Variants in CAMKK2 observed in about 807,000 individuals in gnomAD.
CAMKK2 encodes calcium/calmodulin dependent protein kinase kinase 2.
In CAMKK2, 30 loss-of-function variants were observed where a neutral mutation model predicts 67.2. The ratio of observed to expected loss-of-function variants is 0.45; its 90% CI spans 0.33 to 0.61. The LOEUF is 0.61. Among genes scored for constraint, CAMKK2 ranks in the 20% least tolerant of loss-of-function variants. The pLI is 0.02. For synonymous variants in CAMKK2, 322 were observed against 326.2 expected (o/e 0.99, Z 0.14); for missense variants, 643 against 802.0 (o/e 0.80, Z 2.39).
chr12:121,294,675 G>C (rs1900779333), intron 1 of CAMKK2, among the ~76,000 whole-genome samples: 1 of 152,174 alleles, frequency 6.6e-6, no homozygotes, highest in Non-Finnish European at 1.5e-5. Flanking sequence ...ACTTCTCTGA[G>C]CCCTTCTATA....
chr12:121,265,560 A>G (rs537483085), intron 5 of CAMKK2, among the ~76,000 whole-genome samples: 1 of 152,238 alleles, frequency 6.6e-6, no homozygotes, highest in African/African-American at 2.4e-5. Context: ...CATGAATGAG[A>G]TTAGTGCTGT....
At chr12:121,250,255 G>A (rs1890404188) in intron 11 of CAMKK2, among the ~76,000 whole-genome samples, 1 of 152,084 alleles carries the variant, frequency 6.6e-6, no homozygotes, top group South Asian at 2.1e-4. Flanking sequence ...CCTCTCGAAG[G>A]GCTAGAGCCT....
chr12:121,253,548 T>C lies in CAMKK2; in HGVS notation c.908-76A>G. On this transcript the variant is annotated intron_variant, in intron 9 of 16. Coordinates refer to ENST00000404169, the MANE Select transcript of CAMKK2 (RefSeq NM_001270485.2). The surrounding 1 kb of genome is among the most constrained non-coding windows in gnomAD (Gnocchi z 5.0). ...AGCACCTCTATGCGGCCACATGGCCTGGAGACACAGGCATGGCACCCCTCT... is the reference window on the plus strand; with the variant it reads ...AGCACCTCTATGCGGCCACATGGCCCGGAGACACAGGCATGGCACCCCTCT... 7.9e-7 allele frequency: 1 copy of C among 1,262,982 alleles called. No individual in the cohort carries two copies. The highest frequency in any genetic ancestry group is 1.2e-6 in the Non-Finnish European group (1 of 865,212). The allele number at this position is 1,262,982 out of a possible 1,614,324, so 78.2% of individuals were successfully genotyped here.
At position 121,274,182 on chromosome 12, in the gene CAMKK2, C is replaced by T; in HGVS notation, c.345G>A (p.Leu115=). Residue 115 remains leucine (L), a synonymous_variant, in exon 2 of 17, where the codon CTG becomes CTA. Coordinates refer to ENST00000404169, the MANE Select transcript of CAMKK2 (RefSeq NM_001270485.2). ...GGCAGATGCAGCGTCCGTTCATGTCCAGGCTGCCACCGGCTGCCAGCCCAC... is the reference window on the plus strand; with the variant it reads ...GGCAGATGCAGCGTCCGTTCATGTCTAGGCTGCCACCGGCTGCCAGCCCAC... ...SQGGLAAGGS[L]DMNGRCICPS... 1 of 1,601,074 alleles carries T rather than the reference C, an allele frequency of 6.2e-7. No homozygotes were observed.
intron 1 of CAMKK2, among the ~76,000 whole-genome samples, chr12:121,281,035 T>G (rs1221973285): frequency 6.6e-6 from 1 of 152,228 alleles, no homozygotes; most frequent in Non-Finnish European, 1.5e-5. Context: ...AACTTGCTGG[T>G]TTTTGTGGCT....
intron 4 of CAMKK2, 97 bp downstream of exon 4, chr12:121,269,431 G>A (rs1895285562): frequency 1.1e-6 from 1 of 929,134 alleles, no homozygotes; most frequent in Non-Finnish European, 1.7e-6. Context: ...AATAAAATGA[G>A]ACAACAGCTA....
chr12:121,274,464 C>G lies in CAMKK2; in HGVS notation c.63G>C (p.Gly21=). The change falls in exon 2 of 17, where the codon GGG becomes GGC. Residue 21 remains glycine (G), a synonymous_variant. Coordinates refer to ENST00000404169, the MANE Select transcript of CAMKK2 (RefSeq NM_001270485.2). ...TTTCGCTGCTGCTGCTGCCCCTGCCCCCCAGCTCATCCTGGGGGGCGGCCC... is the reference window on the plus strand; with the variant it reads ...TTTCGCTGCTGCTGCTGCCCCTGCCGCCCAGCTCATCCTGGGGGGCGGCCC... ...SNRAAPQDEL[G]GRGSSSSESQ... 1 of 1,612,984 alleles carries G rather than the reference C, an allele frequency of 6.2e-7. No individual in the cohort carries two copies. The highest frequency in any genetic ancestry group is 8.5e-7 in the Non-Finnish European group (1 of 1,179,948).
chr12:121,277,458 A>G (rs1234021014), intron 1 of CAMKK2, among the ~76,000 whole-genome samples: 6 of 152,222 alleles, frequency 3.9e-5, no homozygotes, highest in South Asian at 2.1e-4. Context: ...ATCATTCACA[A>G]TAGCCAAAAG....
intron 7 of CAMKK2, 73 bp downstream of exon 7, chr12:121,260,246 C>T: frequency 7.5e-7 from 1 of 1,338,550 alleles, no homozygotes; most frequent in Non-Finnish European, 1.0e-6. Context: ...GCACAGGCTG[C>T]CTCGAGAGGA....
In CAMKK2 at chr12:121,249,822, T is replaced by A. The variant is rs756258369; in HGVS notation, c.1288A>T (p.Asn430Tyr). 1 of 1,614,134 alleles carries A rather than the reference T, an allele frequency of 6.2e-7. No homozygotes were observed. Among genetic ancestry groups the A allele is most frequent in the Non-Finnish European group, 8.5e-7 (1 of 1,180,018 alleles). ...KDLITRMLDK[N>Y]PESRIVVPEI... Reference sequence around the variant, plus strand: ...GGCACCACGATCCTCGACTCGGGGTTCTTGTCCAGCATACGGGTGATCAGG... The same window carrying A: ...GGCACCACGATCCTCGACTCGGGGTACTTGTCCAGCATACGGGTGATCAGG... The change falls in exon 13 of 17, where the codon AAC becomes TAC. Residue 430 changes from asparagine (N) to tyrosine (Y), a missense_variant. Coordinates refer to ENST00000404169, the MANE Select transcript of CAMKK2 (RefSeq NM_001270485.2).
At chr12:121,267,311 A>G (rs1233993118) in intron 5 of CAMKK2, among the ~76,000 whole-genome samples, 1 of 150,158 alleles carries the variant, frequency 6.7e-6, no homozygotes, top group Non-Finnish European at 1.5e-5. Flanking sequence ...GCAGGGTTTC[A>G]CCATATTGGC....
chr12:121,243,885 GA>G (rs1888869312), intron 16 of CAMKK2: 1 of 1,378,254 alleles, frequency 7.3e-7, no homozygotes, highest in East Asian at 2.8e-5. Flanking sequence ...AGGTAGCCAT[GA>G]TGTGCTCAGT....
At chr12:121,287,583 A>G (rs1483139066) in intron 1 of CAMKK2, among the ~76,000 whole-genome samples, 1 of 152,198 alleles carries the variant, frequency 6.6e-6, no homozygotes, top group Non-Finnish European at 1.5e-5. Context: ...TGCCAGGGCC[A>G]ACTGTCTTAA....
At chr12:121,266,499 G>GT (rs144456553) in intron 5 of CAMKK2, among the ~76,000 whole-genome samples, 67,605 of 142,706 alleles carry the variant, frequency 0.47, 17,247 homozygotes, top group African/African-American at 0.69. Flanking sequence ...GTTAGGATGG[G>GT]TTTTTTTTTT....
chr12:121,287,072 T>C (rs1339978818), intron 1 of CAMKK2, among the ~76,000 whole-genome samples: 1 of 152,044 alleles, frequency 6.6e-6, no homozygotes, highest in African/African-American at 2.4e-5. Context: ...ACTTGGCTAA[T>C]TTTTTGTATT....
At chr12:121,252,630 T>C in intron 11 of CAMKK2, 31 bp downstream of exon 11, 13 of 1,608,322 alleles carry the variant, frequency 8.1e-6, no homozygotes, top group Non-Finnish European at 1.1e-5. Flanking sequence ...CACCCAGCAG[T>C]ACTGAGGGGA....
chr12:121,261,614 A>G (rs1893471082), intron 6 of CAMKK2, among the ~76,000 whole-genome samples: 2 of 152,220 alleles, frequency 1.3e-5, no homozygotes, highest in Admixed American at 1.3e-4. Flanking sequence ...CCTGTGGGGA[A>G]GGCACACCCA....
chr12:121,260,398 GGA>G, intron 6 of CAMKK2, 43 bp from the exon 7 acceptor site: 3 of 1,590,704 alleles, frequency 1.9e-6, no homozygotes, highest in Non-Finnish European at 2.6e-6. Context: ...GGATGGCGGG[GGA>G]GAAAAAGAGA....
In CAMKK2 at chr12:121,269,518, G is replaced by A. The variant is rs1109453; in HGVS notation, c.573+10C>T. ...AGGATGGGGGCAGGGAGGAGAATGC[G>A]GATACTCACATAGTAGGTATTGTCA... is the stretch of plus-strand genomic sequence containing the variant. On this transcript the variant is annotated intron_variant, in intron 4 of 16. Coordinates refer to ENST00000404169, the MANE Select transcript of CAMKK2 (RefSeq NM_001270485.2). 509,076 of 1,586,452 alleles carry A rather than the reference G, an allele frequency of 0.32. 86,228 individuals are homozygous for A. The highest frequency in any genetic ancestry group is 0.44 in the African/African-American group (32,568 of 74,482).
Sources: gnomAD v4.1 joint callset for allele counts (sites outside exome capture counted in the v4.1 genomes callset) on GRCh38, gnomAD v4.1.1 for gene constraint, Gnocchi (gnomAD v3.1) non-coding constraint, MANE v1.5 for transcripts, NCBI Gene and HGNC (gene_info 2026-07-23, HGNC 2026-07-21) for gene names.